PIK3CB: variants seen among roughly 807,000 people sequenced by gnomAD.
PIK3CB encodes the protein phosphatidylinositol-4,5-bisphosphate 3-kinase catalytic subunit beta, also known as phosphatidylinositol 4,5-bisphosphate 3-kinase catalytic subunit beta isoform.
A neutral mutation model predicts 136.8 loss-of-function variants in PIK3CB; 39 were observed. The observed-to-expected ratio is 0.29, with a 90% CI of 0.22 to 0.37. The LOEUF (loss-of-function observed/expected upper bound fraction) is 0.37. Ranked by LOEUF, PIK3CB falls within the 10% of genes least tolerant of loss-of-function variation. PIK3CB has a pLI of 1.00. For synonymous variants in PIK3CB, 428 were observed against 436.6 expected (o/e 0.98, Z 0.25); for missense variants, 868 against 1,275.4 (o/e 0.68, Z 4.87).
intron 4 of PIK3CB, among the ~76,000 whole-genome samples, chr3:138,744,320 G>C (rs539290438): frequency 6.8e-6 from 1 of 146,568 alleles, no homozygotes; most frequent in African/African-American, 2.5e-5. Context: ...GCGTGAACCC[G>C]GGAGGCGGAG....
intron 2 of PIK3CB, among the ~76,000 whole-genome samples, chr3:138,769,230 A>G (rs2045771204): frequency 6.6e-6 from 1 of 152,206 alleles, no homozygotes; most frequent in Non-Finnish European, 1.5e-5. Flanking sequence ...CGCTGCCATC[A>G]CTACTATTTC....
intron 2 of PIK3CB, among the ~76,000 whole-genome samples, chr3:138,782,932 T>G (rs544472352): frequency 4.6e-5 from 7 of 152,330 alleles, no homozygotes; most frequent in African/African-American, 1.7e-4. Flanking sequence ...TCTAAGTAGC[T>G]GCAAGGCCAT....
chr3:138,822,996 C>T (rs911676002), intron 1 of PIK3CB, among the ~76,000 whole-genome samples: 22 of 148,980 alleles, frequency 1.5e-4, no homozygotes, highest in Non-Finnish European at 3.1e-4. Flanking sequence ...TCTCGGCTCA[C>T]TGCAGCCTCC....
rs142634183 is a variant in PIK3CB at position 138,691,043 on chromosome 3, G to A, written c.1993C>T (p.Leu665Phe). Residue 665 changes from leucine to phenylalanine, a missense_variant, in exon 15 of 24, where the codon CTT becomes TTT. Transcript: ENST00000674063. ...AACTGCCCTATCCTCCGATTACCAA[G>A]TGCTCTTTCTAATAGGAATCTAGAG... Reference protein sequence around the residue: ...ALSRFLLERALGNRRIGQFLF... With the variant: ...ALSRFLLERAFGNRRIGQFLF... 1 of 1,613,274 alleles carries A rather than the reference G, an allele frequency of 6.2e-7. No homozygotes were observed. The highest frequency in any genetic ancestry group is 8.5e-7 in the Non-Finnish European group (1 of 1,179,356).
intron 2 of PIK3CB, among the ~76,000 whole-genome samples, chr3:138,760,336 T>C (rs1410754254): frequency 6.6e-6 from 1 of 152,184 alleles, no homozygotes; most frequent in African/African-American, 2.4e-5. Context: ...CTATTTTTCT[T>C]GCTCTCCCAT....
At chr3:138,819,890 C>G (rs181756813) in intron 1 of PIK3CB, among the ~76,000 whole-genome samples, 1 of 152,146 alleles carries the variant, frequency 6.6e-6, no homozygotes, top group African/African-American at 2.4e-5. Context: ...GCAGGAGAAT[C>G]GCTTGAACCT....
At chr3:138,793,062 C>T (rs942280978) in intron 2 of PIK3CB, among the ~76,000 whole-genome samples, 1 of 152,124 alleles carries the variant, frequency 6.6e-6, no homozygotes, top group African/African-American at 2.4e-5. Context: ...TTAGGAAAAA[C>T]ATAGGGCAGC....
intron 1 of PIK3CB, among the ~76,000 whole-genome samples, chr3:138,832,408 T>TCGGC (rs1322291389): frequency 6.6e-6 from 1 of 152,016 alleles, no homozygotes; most frequent in Non-Finnish European, 1.5e-5. Flanking sequence ...ATTTTTACTT[T>TCGGC]CGGCCGGTCG....
intron 1 of PIK3CB, among the ~76,000 whole-genome samples, chr3:138,814,896 G>A (rs1295930538): frequency 6.6e-6 from 1 of 151,966 alleles, no homozygotes; most frequent in Non-Finnish European, 1.5e-5. Context: ...CCAGCACTTT[G>A]AGAGGCCAAG....
rs1236890473 is a variant in PIK3CB, at chr3:138,727,425, T to A, written c.1050+5936A>T. 2.6e-5 allele frequency among the ~76,000 whole-genome samples: 4 copies of A among 152,198 alleles called. No homozygotes were observed. The East Asian group carries it at 7.7e-4, about 29-fold the overall frequency. The stretch of plus-strand genomic sequence containing the variant: ...ATGAGAAAATTTGATGCGTGAGAAA[T>A]TTTCCAGACTTAAAAGTTAGACAGG... On this transcript the variant is annotated intron_variant, in intron 8 of 23. Transcript: ENST00000674063.
intron 19 of PIK3CB, among the ~76,000 whole-genome samples, chr3:138,669,547 A>G (rs867528972): frequency 1.4e-4 from 21 of 152,066 alleles, no homozygotes; most frequent in African/African-American, 4.8e-4. Flanking sequence ...GGGTGTGCAG[A>G]GGACTGGCAA....
At chr3:138,829,345 CAGG>C (rs1277127683) in intron 1 of PIK3CB, among the ~76,000 whole-genome samples, 2 of 151,962 alleles carry the variant, frequency 1.3e-5, no homozygotes, top group Admixed American at 1.3e-4. Flanking sequence ...TCCACTGGAA[CAGG>C]AGAATAAGTA....
intron 2 of PIK3CB, among the ~76,000 whole-genome samples, chr3:138,776,989 T>A (rs1283027280): frequency 6.8e-6 from 1 of 147,708 alleles, no homozygotes; most frequent in African/African-American, 2.5e-5. Context: ...CTTAAAAAAA[T>A]TGTGATTACA....
At chr3:138,732,738 A>G (rs2045012494) in intron 8 of PIK3CB, among the ~76,000 whole-genome samples, 1 of 150,956 alleles carries the variant, frequency 6.6e-6, no homozygotes, top group South Asian at 2.1e-4. Flanking sequence ...AAAAAAAAAA[A>G]GACTGAAAGA....
chr3:138,730,594 T>C (rs1474834079), intron 8 of PIK3CB, among the ~76,000 whole-genome samples: 2 of 152,132 alleles, frequency 1.3e-5, no homozygotes, highest in Non-Finnish European at 2.9e-5. Context: ...ATATGACTTG[T>C]GGGTAGATTT....
At chr3:138,685,396 CAAAAAAAAAAAA>C (rs398052626) in intron 16 of PIK3CB, among the ~76,000 whole-genome samples, 5 of 58,354 alleles carry the variant, frequency 8.6e-5, no homozygotes, top group African/African-American at 3.9e-4. Flanking sequence ...GAAACTGTCT[CAAAAAAAAAAAA>C]AAAAAAAAAA....
chr3:138,796,448 A>C lies in PIK3CB; in HGVS notation c.-17+15T>G, dbSNP rs1262124849. On this transcript the variant is annotated intron_variant, in intron 2 of 23. Transcript: ENST00000674063. ...CAATATATAAGTAATTAAAAATACA[A>C]AATTGGATACTTACCTAAGAATGGT... is the stretch of plus-strand genomic sequence containing the variant. 1 of 152,044 alleles carries C rather than the reference A, an allele frequency of 6.6e-6. No individual in the cohort carries two copies. The highest frequency in any genetic ancestry group is 6.6e-5 in the Admixed American group (1 of 15,244). 9.4% of individuals were successfully genotyped at this position (152,044 alleles called of 1,614,324 possible).
chr3:138,812,280 G>C (rs918886811), intron 1 of PIK3CB, among the ~76,000 whole-genome samples: 26 of 151,248 alleles, frequency 1.7e-4, no homozygotes, highest in African/African-American at 6.3e-4. Context: ...CTGTCACCCA[G>C]GCTGGAGTGC....
At chr3:138,698,568 CAA>C (rs2044184424) in intron 13 of PIK3CB, among the ~76,000 whole-genome samples, 1 of 152,102 alleles carries the variant, frequency 6.6e-6, no homozygotes, top group Non-Finnish European at 1.5e-5. Context: ...ACAGTCATTG[CAA>C]AGAGTCTAAA....
Sources: gnomAD v4.1 joint callset for allele counts (sites outside exome capture counted in the v4.1 genomes callset) on GRCh38, gnomAD v4.1.1 for gene constraint, MANE v1.5 for transcripts, NCBI Gene and HGNC (gene_info 2026-07-23, HGNC 2026-07-21) for gene names.